Variants in DSCAM observed in about 807,000 individuals in gnomAD.
The protein encoded by DSCAM is DS cell adhesion molecule, also known as cell adhesion molecule DSCAM.
In DSCAM, 47 loss-of-function variants were observed where a neutral mutation model predicts 217.7. The ratio of observed to expected loss-of-function variants is 0.22; its 90% confidence interval spans 0.17 to 0.28. The LOEUF is 0.28. DSCAM is among the 10% of genes least tolerant of loss of function. DSCAM has a pLI of 1.00. For missense variants in DSCAM, 2,080 were observed against 2,618.3 expected, an observed-to-expected ratio of 0.79 and a Z score of 4.49; for synonymous variants, 1,056 against 1,015.3, an observed-to-expected ratio of 1.04 and a Z score of -0.76.
At chr21:40,351,856 T>C (rs922620704) in intron 5 of DSCAM, among the ~76,000 whole-genome samples, 4 of 152,094 alleles carry the variant, frequency 2.6e-5, no homozygotes, top group African/African-American at 9.7e-5. Flanking sequence ...GAACAACACA[T>C]CTTTGTGGAT....
In DSCAM at chr21:40,846,691, C is replaced by A; in HGVS notation, c.-30G>T. On this transcript the variant is annotated 5_prime_UTR_variant, in exon 1 of 33. Coordinates refer to ENST00000400454, the MANE Select transcript of DSCAM (RefSeq NM_001389.5). The stretch of plus-strand genomic sequence containing the variant: ...CTGCCGCTCCCCGGCCTCCCGCGAG[C>A]GACGCGCCGGCCTCGCCCCCCGCGC... The A allele has an allele frequency of 8.8e-7, 1 of 1,130,410 alleles. No homozygotes were observed. The highest frequency in any genetic ancestry group is 3.9e-5 in the Admixed American group (1 of 25,452). 70.0% of individuals were successfully genotyped at this position (1,130,410 alleles called of 1,614,324 possible). A position where few individuals can be genotyped will look rare whatever the true frequency, so the allele number is the denominator to read the frequency against.
At chr21:40,299,254 G>A (rs1453868889) in intron 9 of DSCAM, among the ~76,000 whole-genome samples, 1 of 152,214 alleles carries the variant, frequency 6.6e-6, no homozygotes, top group Non-Finnish European at 1.5e-5. Context: ...ATTTTACTAA[G>A]TGCATGAATA....
intron 5 of DSCAM, among the ~76,000 whole-genome samples, chr21:40,348,588 C>T (rs992379070): frequency 2.0e-5 from 3 of 152,134 alleles, no homozygotes; most frequent in Non-Finnish European, 4.4e-5. Flanking sequence ...CACATTATTG[C>T]AATCAAACTC....
intron 11 of DSCAM, among the ~76,000 whole-genome samples, chr21:40,254,963 T>C (rs1352294290): frequency 6.6e-6 from 1 of 152,072 alleles, no homozygotes; most frequent in Non-Finnish European, 1.5e-5. Flanking sequence ...ATATGATTAA[T>C]GTCAAATTAT....
At chr21:40,533,880 T>C (rs962981143) in intron 3 of DSCAM, among the ~76,000 whole-genome samples, 4 of 152,234 alleles carry the variant, frequency 2.6e-5, no homozygotes, top group African/African-American at 9.6e-5. Flanking sequence ...CTCAATATTC[T>C]AGCTTCTTCA....
intron 24 of DSCAM, among the ~76,000 whole-genome samples, chr21:40,080,876 C>T (rs534250853): frequency 6.6e-6 from 1 of 152,292 alleles, no homozygotes; most frequent in Non-Finnish European, 1.5e-5. Context: ...CCTGGCTTCT[C>T]TTTGGTTTGA....
chr21:40,583,215 C>T (rs111743831), intron 3 of DSCAM, among the ~76,000 whole-genome samples: 5 of 152,158 alleles, frequency 3.3e-5, no homozygotes, highest in African/African-American at 1.2e-4. Flanking sequence ...CAGCCAGCAA[C>T]GCAAAGGTTA....
chr21:40,259,548 C>T (rs1187022738), intron 11 of DSCAM, among the ~76,000 whole-genome samples: 2 of 151,632 alleles, frequency 1.3e-5, no homozygotes, highest in African/African-American at 4.8e-5. Context: ...GCATCTGGGC[C>T]CAGAAGTTAA....
chr21:40,405,275 T>C (rs559123353), intron 3 of DSCAM, among the ~76,000 whole-genome samples: 9 of 152,352 alleles, frequency 5.9e-5, no homozygotes, highest in Admixed American at 2.0e-4. Context: ...CATCTTACCA[T>C]ATTATCCCTC....
chr21:40,215,662 G>A (rs1437062545), intron 11 of DSCAM, among the ~76,000 whole-genome samples: 1 of 152,022 alleles, frequency 6.6e-6, no homozygotes, highest in Non-Finnish European at 1.5e-5. Flanking sequence ...AAGTGGGGAG[G>A]GAGGTGAGGA....
intron 8 of DSCAM, among the ~76,000 whole-genome samples, chr21:40,335,016 G>T (rs982558514): frequency 5.3e-5 from 8 of 152,052 alleles, no homozygotes; most frequent in African/African-American, 1.9e-4. Context: ...CACCACACCA[G>T]CCTCTCTGTT....
chr21:40,419,336 A>G (rs1252542255), intron 3 of DSCAM, among the ~76,000 whole-genome samples: 1 of 152,200 alleles, frequency 6.6e-6, no homozygotes, highest in Non-Finnish European at 1.5e-5. Flanking sequence ...GTTTTCAGAT[A>G]GAAAAATTCA....
In DSCAM at chr21:40,232,783, G is replaced by A. The variant is rs139996950; in HGVS notation, c.2356+43314C>T. Among the ~76,000 whole-genome samples, 1,213 of 152,126 alleles carry A rather than the reference G, an allele frequency of 8.0e-3. 15 individuals are homozygous for A. The highest frequency in any genetic ancestry group is 0.028 in the African/African-American group (1,148 of 41,500). ...ATAATTAAGTAATCAATTTAGACAGGTGATACTAAGCAGGACTTTTACTGA... is the reference window on the plus strand; with the variant it reads ...ATAATTAAGTAATCAATTTAGACAGATGATACTAAGCAGGACTTTTACTGA... On this transcript the variant is annotated intron_variant, in intron 11 of 32. Coordinates refer to ENST00000400454, the MANE Select transcript of DSCAM (RefSeq NM_001389.5).
chr21:40,119,764 C>A (rs1203070196), intron 20 of DSCAM, among the ~76,000 whole-genome samples: 1 of 151,322 alleles, frequency 6.6e-6, no homozygotes, highest in East Asian at 1.9e-4. Context: ...AGGGAGGGTA[C>A]TGGGAGGGAG....
intron 11 of DSCAM, among the ~76,000 whole-genome samples, chr21:40,274,339 C>A (rs749290334): frequency 2.6e-5 from 4 of 152,162 alleles, no homozygotes; most frequent in Non-Finnish European, 5.9e-5. Context: ...TGACTCTTCA[C>A]CCTGCATTGT....
chr21:40,784,506 A>G (rs8128946), intron 1 of DSCAM, among the ~76,000 whole-genome samples: 30,910 of 152,140 alleles, frequency 0.2, 4,101 homozygotes, highest in African/African-American at 0.38. Flanking sequence ...CGTGCTTTGG[A>G]TTAACATACA....
At chr21:40,629,060 T>C (rs1301713519) in intron 3 of DSCAM, among the ~76,000 whole-genome samples, 1 of 149,478 alleles carries the variant, frequency 6.7e-6, no homozygotes, top group African/African-American at 2.5e-5. Flanking sequence ...TATGTGTGTG[T>C]AGTATGTGTG....
intron 1 of DSCAM, among the ~76,000 whole-genome samples, chr21:40,718,883 T>C (rs1328463331): frequency 1.3e-5 from 2 of 152,276 alleles, no homozygotes; most frequent in South Asian, 2.1e-4. Context: ...CCCAGCACTT[T>C]TGGAGGCCGA....
intron 3 of DSCAM, among the ~76,000 whole-genome samples, chr21:40,534,825 T>C (rs1379904367): frequency 1.3e-5 from 2 of 152,244 alleles, no homozygotes; most frequent in Non-Finnish European, 2.9e-5. Context: ...AATTATCCTC[T>C]GATTTAGAAA....
Sources: gnomAD v4.1 joint callset for allele counts (sites outside exome capture counted in the v4.1 genomes callset) on GRCh38, gnomAD v4.1.1 for gene constraint, MANE v1.5 for transcripts, NCBI Gene and HGNC (gene_info 2026-07-23, HGNC 2026-07-21) for gene names.